INPP4A: variants seen among roughly 807,000 people sequenced by gnomAD.
INPP4A encodes the protein inositol polyphosphate-4-phosphatase type I A.
A neutral mutation model predicts 119.8 loss-of-function variants in INPP4A; 33 were observed. That is an observed-to-expected ratio of 0.28 (90% CI 0.21 to 0.37). INPP4A has a LOEUF of 0.37. INPP4A is among the 10% of genes least tolerant of loss of function. The pLI, the probability that INPP4A is intolerant of heterozygous loss-of-function variation, is 1.00. For missense variants in INPP4A, 956 were observed against 1,289.9 expected, an observed-to-expected ratio of 0.74 and a Z score of 3.97; for synonymous variants, 496 against 500.7, an observed-to-expected ratio of 0.99 and a Z score of 0.12.
Position 98,556,100 on chromosome 2 carries a change from T to C in INPP4A, c.1822+292T>C, listed in dbSNP as rs79178568. On this transcript the variant is annotated intron_variant, in intron 16 of 24. Coordinates refer to ENST00000409851, the MANE Select transcript of INPP4A (RefSeq NM_001134225.2). ...TATAAGGGTTGGGCTCCTGGGCTTT[T>C]CAGGTTTGTAAAGCAATCTGAGAAC... The C allele has an allele frequency of 4.0e-3, 1,517 of 378,362 alleles. 28 individuals are homozygous for C. The East Asian group carries it at 0.049, about 12-fold the overall frequency. The allele number at this position is 378,362 out of a possible 1,614,324, so 23.4% of individuals were successfully genotyped here. A position where few individuals can be genotyped will look rare whatever the true frequency, so the allele number is the denominator to read the frequency against.
chr2:98,510,079 C>T (rs545468849), intron 1 of INPP4A, among the ~76,000 whole-genome samples: 13 of 152,314 alleles, frequency 8.5e-5, no homozygotes, highest in African/African-American at 2.9e-4. Flanking sequence ...TCACAGGCCC[C>T]GTCATTGCAG....
chr2:98,545,092 G>A (rs768957045), intron 11 of INPP4A, among the ~76,000 whole-genome samples: 10 of 152,118 alleles, frequency 6.6e-5, no homozygotes, highest in Non-Finnish European at 1.2e-4. Context: ...ACAGGCTCTC[G>A]GATGCTCATG....
chr2:98,497,775 G>C (rs1682321741), intron 1 of INPP4A, among the ~76,000 whole-genome samples: 1 of 152,170 alleles, frequency 6.6e-6, no homozygotes, highest in Non-Finnish European at 1.5e-5. Context: ...CCCACCTCTT[G>C]CATCAGCATG....
At chr2:98,567,576 C>G (rs1053227347) in intron 21 of INPP4A, among the ~76,000 whole-genome samples, 1 of 152,146 alleles carries the variant, frequency 6.6e-6, no homozygotes. Context: ...CTTGCAGGAG[C>G]AGTTTCTAGA....
At chr2:98,496,904 G>T (rs1297028718) in intron 1 of INPP4A, among the ~76,000 whole-genome samples, 1 of 152,210 alleles carries the variant, frequency 6.6e-6, no homozygotes, top group Non-Finnish European at 1.5e-5. Flanking sequence ...ACCTTGAGCT[G>T]GTTGCTTTTC....
chr2:98,454,307 A>G (rs996938943), intron 1 of INPP4A, among the ~76,000 whole-genome samples: 3 of 152,208 alleles, frequency 2.0e-5, no homozygotes, highest in African/African-American at 4.8e-5. Flanking sequence ...AGAGTCAGCT[A>G]TGATCCCCAT....
chr2:98,572,947 A>AC lies in INPP4A; in HGVS notation c.2631+20_2631+21insC. 6.5e-7 allele frequency: 1 copy of AC among 1,530,362 alleles called. No homozygotes were observed. The highest frequency in any genetic ancestry group is 8.9e-7 in the Non-Finnish European group (1 of 1,126,640). The allele number at this position is 1,530,362 out of a possible 1,614,324, so 94.8% of individuals were successfully genotyped here. ...GCTGAGGTACTGGTTACAGAGAGGA[A>AC]AAGGAGGCTATTGCGGTGCCCACAG... On this transcript the variant is annotated intron_variant, in intron 23 of 24. Coordinates refer to ENST00000409851, the MANE Select transcript of INPP4A (RefSeq NM_001134225.2).
chr2:98,513,046 T>C (rs1685430082), intron 1 of INPP4A, among the ~76,000 whole-genome samples: 1 of 152,078 alleles, frequency 6.6e-6, no homozygotes, highest in Admixed American at 6.5e-5. Flanking sequence ...GAAAAAAAAA[T>C]GGAAGGCCTG....
intron 23 of INPP4A, among the ~76,000 whole-genome samples, chr2:98,573,979 G>A (rs1447487929): frequency 6.6e-6 from 1 of 152,168 alleles, no homozygotes; most frequent in Non-Finnish European, 1.5e-5. Flanking sequence ...GCGTGGGGTG[G>A]ATCAATCTGC....
chr2:98,471,644 T>C (rs1421863744), intron 1 of INPP4A, among the ~76,000 whole-genome samples: 1 of 152,140 alleles, frequency 6.6e-6, no homozygotes, highest in African/African-American at 2.4e-5. Flanking sequence ...ACTGTGTAGA[T>C]TTGAAGTGCT....
At chr2:98,583,060 C>T (rs1699557676) in intron 24 of INPP4A, among the ~76,000 whole-genome samples, 1 of 152,160 alleles carries the variant, frequency 6.6e-6, no homozygotes, top group African/African-American at 2.4e-5. Context: ...AGAAAGATCA[C>T]CTACTGCATA....
intron 1 of INPP4A, among the ~76,000 whole-genome samples, chr2:98,494,716 T>TA (rs1034322373): frequency 6.6e-6 from 1 of 151,688 alleles, no homozygotes; most frequent in Non-Finnish European, 1.5e-5. Flanking sequence ...AAAGAGACAG[T>TA]AAAGAGTGTC....
intron 8 of INPP4A, 45 bp from the exon 9 acceptor site, chr2:98,538,846 T>A: frequency 1.7e-6 from 2 of 1,145,632 alleles, no homozygotes; most frequent in Non-Finnish European, 2.6e-6. Context: ...TCTGGAGTCA[T>A]CTGAATCTCA....
At chr2:98,565,163 T>C (rs1696201361) in intron 19 of INPP4A, among the ~76,000 whole-genome samples, 1 of 152,260 alleles carries the variant, frequency 6.6e-6, no homozygotes, top group Non-Finnish European at 1.5e-5. Flanking sequence ...AAAAAGGCTC[T>C]CTTCTTCCTA....
At chr2:98,559,888 T>C (rs553730071) in intron 17 of INPP4A, among the ~76,000 whole-genome samples, 2 of 152,358 alleles carry the variant, frequency 1.3e-5, no homozygotes, top group South Asian at 4.1e-4. Context: ...ATCTCTTTGC[T>C]TCCTTTGCAT....
chr2:98,518,924 G>A (rs1481720870), intron 1 of INPP4A, 40 bp from the exon 2 acceptor site: 1 of 152,238 alleles, frequency 6.6e-6, no homozygotes, highest in African/African-American at 2.4e-5. Flanking sequence ...GAAACTTCAT[G>A]TTTGACCAGC....
intron 1 of INPP4A, among the ~76,000 whole-genome samples, chr2:98,499,408 A>C (rs1682672181): frequency 1.3e-5 from 2 of 152,232 alleles, no homozygotes; most frequent in South Asian, 4.1e-4. Flanking sequence ...TCCTCACTAC[A>C]TGGTTTAATC....
chr2:98,503,451 C>A (rs1438400811), intron 1 of INPP4A, among the ~76,000 whole-genome samples: 1 of 152,172 alleles, frequency 6.6e-6, no homozygotes, highest in African/African-American at 2.4e-5. Flanking sequence ...TGCACCTGTG[C>A]CTGTTCCTTT....
intron 1 of INPP4A, among the ~76,000 whole-genome samples, chr2:98,455,545 A>G (rs1695992253): frequency 6.6e-6 from 1 of 151,898 alleles, no homozygotes; most frequent in Non-Finnish European, 1.5e-5. Flanking sequence ...TCATGCCTGA[A>G]TCTCACCCTC....
Sources: allele counts gnomAD v4.1 joint callset (sites outside exome capture counted in the v4.1 genomes callset), GRCh38; gene constraint gnomAD v4.1.1; transcripts MANE v1.5; gene names NCBI Gene and HGNC (gene_info 2026-07-23, HGNC 2026-07-21).